PHACTR1: variants seen among roughly 807,000 people sequenced by gnomAD.
PHACTR1 encodes the protein phosphatase and actin regulator 1.
A neutral mutation model predicts 69.2 loss-of-function variants in PHACTR1; 16 were observed. The ratio of observed to expected loss-of-function variants is 0.23; its 90% CI spans 0.16 to 0.35. The LOEUF (loss-of-function observed/expected upper bound fraction) is 0.35, where lower values mean the gene tolerates loss of function less well. PHACTR1 is among the 10% of genes least tolerant of loss of function. The probability of loss-of-function intolerance (pLI) is 1.00; values close to 1 mark genes in which losing one functional copy is unlikely to be tolerated. For synonymous variants in PHACTR1, 312 were observed against 284.5 expected, an observed-to-expected ratio of 1.10 and a Z score of -0.97; for missense variants, 510 against 734.7, an observed-to-expected ratio of 0.69 and a Z score of 3.54.
chr6:12,926,301 G>C (rs1185983673), intron 4 of PHACTR1, among the ~76,000 whole-genome samples: 1 of 151,940 alleles, frequency 6.6e-6, no homozygotes, highest in African/African-American at 2.4e-5. Context: ...TTTTCTCTCA[G>C]CCCTTTGTTT....
At chr6:13,284,705 G>A (rs1001985311) in intron 13 of PHACTR1, among the ~76,000 whole-genome samples, 2 of 151,372 alleles carry the variant, frequency 1.3e-5, no homozygotes, top group African/African-American at 4.9e-5. Context: ...AGGGACCCAG[G>A]GTTTTCTTAT....
intron 4 of PHACTR1, among the ~76,000 whole-genome samples, chr6:12,921,620 G>A (rs1169797911): frequency 1.6e-4 from 21 of 127,462 alleles, no homozygotes; most frequent in Non-Finnish European, 3.3e-4. Context: ...AAGGAAGAAA[G>A]GGAGGAAGGA....
At chr6:13,152,464 A>G (rs1824460195) in intron 5 of PHACTR1, among the ~76,000 whole-genome samples, 1 of 152,230 alleles carries the variant, frequency 6.6e-6, no homozygotes, top group South Asian at 2.1e-4. Flanking sequence ...TAAATACAGC[A>G]TAGACTGACA....
intron 10 of PHACTR1, among the ~76,000 whole-genome samples, chr6:13,244,475 G>A (rs958718917): frequency 6.6e-6 from 1 of 152,196 alleles, no homozygotes; most frequent in Non-Finnish European, 1.5e-5. Context: ...CGCTATGGGA[G>A]ACAAGTTTAT....
intron 4 of PHACTR1, among the ~76,000 whole-genome samples, chr6:12,909,802 A>G (rs778746935): frequency 5.9e-5 from 9 of 152,198 alleles, no homozygotes; most frequent in Non-Finnish European, 1.0e-4. Flanking sequence ...GACCTCCCCC[A>G]TGAATATTTG....
intron 4 of PHACTR1, among the ~76,000 whole-genome samples, chr6:12,984,013 G>A (rs1285150526): frequency 2.0e-5 from 3 of 152,190 alleles, no homozygotes; most frequent in Non-Finnish European, 4.4e-5. Flanking sequence ...ACATACATGT[G>A]CATGTGTCTT....
chr6:13,006,942 C>T (rs1798869179), intron 4 of PHACTR1, among the ~76,000 whole-genome samples: 1 of 152,198 alleles, frequency 6.6e-6, no homozygotes, highest in Non-Finnish European at 1.5e-5. Flanking sequence ...TGCAATCCTA[C>T]CATGTGCCTG....
chr6:13,174,689 A>G (rs1298615593), intron 6 of PHACTR1, among the ~76,000 whole-genome samples: 1 of 151,742 alleles, frequency 6.6e-6, no homozygotes, highest in African/African-American at 2.4e-5. Flanking sequence ...ATTTCCAAGT[A>G]AGCCATTTTA....
At chr6:12,940,373 C>T (rs1428512956) in intron 4 of PHACTR1, among the ~76,000 whole-genome samples, 4 of 152,192 alleles carry the variant, frequency 2.6e-5, no homozygotes, top group Non-Finnish European at 5.9e-5. Flanking sequence ...TGTGTTTTAA[C>T]TCATGAGAGC....
At chr6:13,273,076 A>C (rs1778112705) in intron 11 of PHACTR1, 161 bp downstream of exon 11, 4 of 1,092,356 alleles carry the variant, frequency 3.7e-6, no homozygotes, top group Admixed American at 2.6e-5. Context: ...ACCAAAGACG[A>C]CCTCCCCAAA....
At chr6:12,903,767 G>A (rs1484144679) in intron 4 of PHACTR1, among the ~76,000 whole-genome samples, 1 of 152,200 alleles carries the variant, frequency 6.6e-6, no homozygotes, top group African/African-American at 2.4e-5. Context: ...TCCACGAGCT[G>A]AGTTTTAAAA....
chr6:13,017,845 AC>A (rs1174379379), intron 4 of PHACTR1, among the ~76,000 whole-genome samples: 1 of 152,214 alleles, frequency 6.6e-6, no homozygotes, highest in Non-Finnish European at 1.5e-5. Flanking sequence ...TTTTGTAATG[AC>A]ACTTAAAAAG....
chr6:12,771,085 C>T (rs1456681233), intron 4 of PHACTR1, among the ~76,000 whole-genome samples: 1 of 152,158 alleles, frequency 6.6e-6, no homozygotes, highest in Non-Finnish European at 1.5e-5. Flanking sequence ...CTCCAAAAAG[C>T]TCATGATAAC....
At chr6:13,173,486 T>C (rs1760886698) in intron 6 of PHACTR1, among the ~76,000 whole-genome samples, 1 of 152,172 alleles carries the variant, frequency 6.6e-6, no homozygotes, top group Admixed American at 6.5e-5. Flanking sequence ...CCAACAGAGA[T>C]TGACAAATGC....
rs373700855 is a variant in PHACTR1 at position 13,230,198 on chromosome 6, G to C, written c.1391+5G>C. ...GATTGGCACCAAGCTCACCAGGTAG[G>C]ACAGCGGCACCCTCTGCCTCCCTGG... is the stretch of plus-strand genomic sequence containing the variant. On this transcript the variant is annotated splice_donor_5th_base_variant and intron_variant, in intron 10 of 14. Coordinates refer to ENST00000332995, the MANE Select transcript of PHACTR1 (RefSeq NM_030948.6). The C allele has an allele frequency of 1.9e-6, 3 of 1,606,162 alleles. No individual in the cohort carries two copies. Among genetic ancestry groups the C allele is most frequent in the Non-Finnish European group, 2.5e-6 (3 of 1,176,666 alleles).
intron 4 of PHACTR1, among the ~76,000 whole-genome samples, chr6:12,996,304 G>A (rs933538615): frequency 6.6e-6 from 1 of 152,056 alleles, no homozygotes; most frequent in Non-Finnish European, 1.5e-5. Context: ...TTTTGAAAAT[G>A]TTAATAAAAT....
chr6:12,940,751 G>A (rs1335301463), intron 4 of PHACTR1, among the ~76,000 whole-genome samples: 3 of 152,182 alleles, frequency 2.0e-5, no homozygotes, highest in Non-Finnish European at 2.9e-5. Context: ...CTGCTCATCT[G>A]TGCCATCTAC....
At chr6:12,943,894 G>T (rs1318324396) in intron 4 of PHACTR1, among the ~76,000 whole-genome samples, 1 of 152,106 alleles carries the variant, frequency 6.6e-6, no homozygotes, top group African/African-American at 2.4e-5. Context: ...TAAATCTGTA[G>T]GCCTTGCATC....
rs80230876 is a variant in PHACTR1 at position 13,064,059 on chromosome 6, A to G, written c.415+10530A>G. Reference sequence around the variant, plus strand: ...CTATAAATATTGTGTTGGTAATGAGAGAAAATTTACTTGTGATAGAATTAA... The same window carrying G: ...CTATAAATATTGTGTTGGTAATGAGGGAAAATTTACTTGTGATAGAATTAA... On this transcript the variant is annotated intron_variant, in intron 5 of 14. Transcript: ENST00000332995. 2.0e-3 allele frequency among the ~76,000 whole-genome samples: 299 copies of G among 152,302 alleles called. 2 individuals are homozygous for G. The highest frequency in any genetic ancestry group is 7.0e-3 in the African/African-American group (289 of 41,570).
Sources: allele counts gnomAD v4.1 joint callset (sites outside exome capture counted in the v4.1 genomes callset), GRCh38; gene constraint gnomAD v4.1.1; transcripts MANE v1.5; gene names NCBI Gene and HGNC (gene_info 2026-07-23, HGNC 2026-07-21).